Variants in ANKRD31 observed in about 807,000 individuals in gnomAD.
ANKRD31 encodes ankyrin repeat domain 31, also known as ankyrin repeat domain-containing protein 31.
A neutral mutation model predicts 186.0 loss-of-function variants in ANKRD31; 147 were observed. The observed-to-expected ratio is 0.79, with a 90% CI of 0.69 to 0.91. The LOEUF (loss-of-function observed/expected upper bound fraction) is 0.91, where lower values mean the gene tolerates loss of function less well. Among genes scored for constraint, ANKRD31 ranks in the 40% least tolerant of loss-of-function variants. ANKRD31 has a pLI of 0.00. For synonymous variants in ANKRD31, 673 were observed against 736.4 expected (o/e 0.91, Z 1.39); for missense variants, 1,986 against 2,148.8 (o/e 0.92, Z 1.50).
At chr5:75,097,964 T>C (rs930984755) in intron 22 of ANKRD31, among the ~76,000 whole-genome samples, 2 of 152,094 alleles carry the variant, frequency 1.3e-5, no homozygotes, top group African/African-American at 4.8e-5. Context: ...GATCAGATCG[T>C]TGTAGATGTG....
chr5:75,193,828 T>A (rs894321760), intron 7 of ANKRD31, among the ~76,000 whole-genome samples: 26 of 152,176 alleles, frequency 1.7e-4, no homozygotes, highest in Non-Finnish European at 3.7e-4. Context: ...TTGATCAATA[T>A]TTATCTTGAA....
At chr5:75,161,637 C>T (rs1752575586) in intron 11 of ANKRD31, among the ~76,000 whole-genome samples, 1 of 152,180 alleles carries the variant, frequency 6.6e-6, no homozygotes, top group African/African-American at 2.4e-5. Flanking sequence ...CAGGGCATGA[C>T]AGAGATCTTC....
intron 10 of ANKRD31, among the ~76,000 whole-genome samples, chr5:75,177,800 C>T (rs1201802796): frequency 3.3e-5 from 5 of 152,102 alleles, no homozygotes; most frequent in Admixed American, 1.3e-4. Flanking sequence ...TAAAGACCGT[C>T]GATGCTAGGA....
At chr5:75,213,905 A>G (rs907631399) in intron 3 of ANKRD31, among the ~76,000 whole-genome samples, 2 of 152,176 alleles carry the variant, frequency 1.3e-5, no homozygotes, top group Non-Finnish European at 2.9e-5. Flanking sequence ...CAGCCCAACC[A>G]ATCCTGGCTC....
intron 5 of ANKRD31, among the ~76,000 whole-genome samples, chr5:75,201,144 T>A (rs980794615): frequency 1.3e-5 from 2 of 152,190 alleles, no homozygotes; most frequent in Admixed American, 1.3e-4. Context: ...ATATTCTTGC[T>A]GAGCTTCACA....
chr5:75,129,753 G>A (rs1247269373), intron 17 of ANKRD31, among the ~76,000 whole-genome samples: 3 of 152,176 alleles, frequency 2.0e-5, no homozygotes, highest in Non-Finnish European at 2.9e-5. Context: ...CATTTCCAAC[G>A]GAGGTACCAG....
At chr5:75,101,745 C>T (rs1464505117) in intron 22 of ANKRD31, among the ~76,000 whole-genome samples, 2 of 152,138 alleles carry the variant, frequency 1.3e-5, no homozygotes, top group Admixed American at 6.5e-5. Context: ...GCATGCGTCA[C>T]GTAGTTCTCG....
Position 75,214,294 on chromosome 5 carries a change from T to C in ANKRD31, c.289-3429A>G, listed in dbSNP as rs556415362. On this transcript the variant is annotated intron_variant, in intron 3 of 25. Coordinates refer to ENST00000506364, the MANE Select transcript of ANKRD31 (RefSeq NM_001372053.1). ...GTTAGGTGCTAAAGCCCCATTTTCA[T>C]CCTACTTCTTCCCAGAAATATTCCT... Among the ~76,000 whole-genome samples the C allele has an allele frequency of 3.3e-5, 5 of 152,318 alleles. No individual in the cohort carries two copies. The South Asian group carries it at 1.0e-3, about 32-fold the overall frequency.
chr5:75,111,086 A>G (rs1747743212), intron 20 of ANKRD31, among the ~76,000 whole-genome samples: 2 of 152,038 alleles, frequency 1.3e-5, no homozygotes, highest in African/African-American at 4.8e-5. Context: ...TGGAACATTT[A>G]TTAAACACTA....
At chr5:75,123,492 A>C (rs1748957052) in intron 17 of ANKRD31, among the ~76,000 whole-genome samples, 1 of 152,120 alleles carries the variant, frequency 6.6e-6, no homozygotes. Context: ...AAGCAATCCT[A>C]AGCAAATAGA....
chr5:75,072,294 C>A (rs78334671), intron 25 of ANKRD31, among the ~76,000 whole-genome samples: 6,723 of 152,088 alleles, frequency 0.044, 347 homozygotes, highest in African/African-American at 0.12. Flanking sequence ...AGATATAAAT[C>A]AAAGTGTTGT....
chr5:75,106,656 A>G (rs1362266621), intron 21 of ANKRD31, among the ~76,000 whole-genome samples: 1 of 151,928 alleles, frequency 6.6e-6, no homozygotes, highest in Non-Finnish European at 1.5e-5. Context: ...GGTATAGTAC[A>G]TGGTTAACCA....
chr5:75,191,647 C>A (rs1755121523), intron 9 of ANKRD31, among the ~76,000 whole-genome samples: 1 of 151,990 alleles, frequency 6.6e-6, no homozygotes, highest in African/African-American at 2.4e-5. Context: ...TTAGGGATAA[C>A]CTTCTTACAA....
At chr5:75,153,199 AT>A (rs910424952) in intron 12 of ANKRD31, among the ~76,000 whole-genome samples, 3 of 152,092 alleles carry the variant, frequency 2.0e-5, no homozygotes, top group African/African-American at 7.2e-5. Flanking sequence ...TCATTTGTGA[AT>A]TTGAAAGTGG....
rs1429903141 is a variant in ANKRD31, at chr5:75,068,633, T to A, written c.5679A>T (p.Pro1893=). The A allele has an allele frequency of 6.6e-7, 1 of 1,520,940 alleles. No individual in the cohort carries two copies. The highest frequency in any genetic ancestry group is 1.4e-5 in the African/African-American group (1 of 72,396). 94.2% of individuals were successfully genotyped at this position (1,520,940 alleles called of 1,614,324 possible). A position where few individuals can be genotyped will look rare whatever the true frequency, so the allele number is the denominator to read the frequency against. The change falls in exon 26 of 26, where the codon CCA becomes CCT. Residue 1893 remains proline (P), a synonymous_variant. Coordinates refer to ENST00000506364, the MANE Select transcript of ANKRD31 (RefSeq NM_001372053.1). ...GTATTTCATTTATTTGTAGATAACG[T>A]GGGCTGCTTTGCATTGACTCTCTGG... ...GTSRESMQSS[P]RYLQINEILL...
intron 17 of ANKRD31, among the ~76,000 whole-genome samples, chr5:75,119,474 C>T (rs1382074216): frequency 1.3e-5 from 2 of 152,114 alleles, no homozygotes; most frequent in African/African-American, 2.4e-5. Context: ...ATATGTGTAC[C>T]ACATCTTATT....
intron 12 of ANKRD31, among the ~76,000 whole-genome samples, chr5:75,153,429 G>A (rs1751966950): frequency 6.6e-6 from 1 of 152,088 alleles, no homozygotes; most frequent in African/African-American, 2.4e-5. Context: ...ATTAAGTAGG[G>A]TGGTCTAGGC....
intron 6 of ANKRD31, among the ~76,000 whole-genome samples, chr5:75,199,258 T>C (rs556452773): frequency 2.0e-5 from 3 of 152,260 alleles, no homozygotes; most frequent in East Asian, 3.9e-4. Context: ...CGTGAGTTCA[T>C]TGTAAGCAGA....
intron 15 of ANKRD31, among the ~76,000 whole-genome samples, chr5:75,143,511 T>C (rs1206444876): frequency 6.6e-6 from 1 of 152,138 alleles, no homozygotes; most frequent in Admixed American, 6.6e-5. Flanking sequence ...ATTCAGTGAA[T>C]AATGTTTAAC....
Sources: gnomAD v4.1 joint callset for allele counts (sites outside exome capture counted in the v4.1 genomes callset) on GRCh38, gnomAD v4.1.1 for gene constraint, MANE v1.5 for transcripts, NCBI Gene and HGNC (gene_info 2026-07-23, HGNC 2026-07-21) for gene names.